Variants in ITFG2 observed in about 807,000 individuals in gnomAD.
ITFG2 encodes the protein integrin alpha FG-GAP repeat containing 2, also known as KICSTOR complex protein ITFG2.
Under a neutral mutation model 54.4 loss-of-function variants are expected in ITFG2, and 36 were observed. That is an observed-to-expected ratio of 0.66 (90% CI 0.51 to 0.87). The LOEUF (loss-of-function observed/expected upper bound fraction) is 0.87. ITFG2 is among the 40% of genes least tolerant of loss of function. The pLI, the probability that ITFG2 is intolerant of heterozygous loss-of-function variation, is 0.00. For synonymous variants in ITFG2, 211 were observed against 225.4 expected (o/e 0.94, Z 0.57); for missense variants, 524 against 576.7 (o/e 0.91, Z 0.94).
At chr12:2,848,430 A>G (rs892369364) in intron 2 of ITFG2, among the ~76,000 whole-genome samples, 5 of 152,182 alleles carry the variant, frequency 3.3e-5, no homozygotes, top group Admixed American at 6.5e-5. Flanking sequence ...TCCCTGATAG[A>G]AAAAGCTGAG....
chr12:2,817,335 C>T lies in ITFG2; in HGVS notation c.192+17C>T, dbSNP rs2097924624. On this transcript the variant is annotated intron_variant, in intron 2 of 11. Transcript: ENST00000228799. ...CAGGGAATGGTCAGTATTCACTTCC[C>T]TGGGCCTGGAGGGGGGAAGGGATCC... 1.3e-6 allele frequency: 2 copies of T among 1,586,890 alleles called. No individual in the cohort carries two copies. Among genetic ancestry groups the T allele is most frequent in the South Asian group, 2.2e-5 (2 of 89,908 alleles).
In ITFG2 at chr12:2,817,897, T is replaced by C. The variant is rs1565409894; in HGVS notation, c.193-12T>C. ...CTTAGCGTCTCCCTGAGCCTCCCTTTCTCTCTTACAGCTGACTTGCGTTGG... is the reference window on the plus strand; with the variant it reads ...CTTAGCGTCTCCCTGAGCCTCCCTTCCTCTCTTACAGCTGACTTGCGTTGG... On this transcript the variant is annotated splice_polypyrimidine_tract_variant and intron_variant, in intron 2 of 11. Coordinates refer to ENST00000228799, the MANE Select transcript of ITFG2 (RefSeq NM_018463.4). The C allele has an allele frequency of 1.2e-6, 2 of 1,613,314 alleles. No homozygotes were observed. Among genetic ancestry groups the C allele is most frequent in the Admixed American group, 1.7e-5 (1 of 59,810 alleles).
intron 9 of ITFG2, 123 bp downstream of exon 9, chr12:2,821,915 C>A: frequency 1.2e-5 from 8 of 653,892 alleles, no homozygotes; most frequent in Non-Finnish European, 1.8e-5. Context: ...TAGTCTCTGT[C>A]TCTTTTTTTT....
chr12:2,853,711 C>G (rs1184540260), intron 2 of ITFG2, among the ~76,000 whole-genome samples: 1 of 152,120 alleles, frequency 6.6e-6, no homozygotes, highest in African/African-American at 2.4e-5. Context: ...TTTTCATTGC[C>G]TTCCCCCTTT....
At chr12:2,828,254 C>T, downstream of ITFG2, 1 of 1,311,342 alleles carries the variant, frequency 7.6e-7, no homozygotes, top group Non-Finnish European at 1.1e-6. Flanking sequence ...ACTGTCGTCA[C>T]TATCTAATTT....
chr12:2,842,647 G>A (rs529424933), intron 2 of ITFG2, among the ~76,000 whole-genome samples: 81 of 152,184 alleles, frequency 5.3e-4, no homozygotes, highest in Non-Finnish European at 1.0e-3. Flanking sequence ...CAGGAGAATT[G>A]CTTGAGCGCA....
In ITFG2 at chr12:2,845,137, G is replaced by C. The variant is rs2098050498; in HGVS notation, n.300+4142G>C. 6.6e-6 allele frequency among the ~76,000 whole-genome samples: 1 copy of C among 151,560 alleles called. No individual in the cohort carries two copies. The highest frequency in any genetic ancestry group is 2.4e-5 in the African/African-American group (1 of 41,194). On this transcript the variant is annotated intron_variant and non_coding_transcript_variant, in intron 2 of 3. Coordinates refer to the ITFG2 transcript ENST00000537710. The surrounding 1 kb of genome is among the most constrained non-coding windows in gnomAD (Gnocchi z 4.2). ...GCGGCTCGGTGGCAGCACAACTAAG[G>C]ACAGGGCTCAGTGATGGAAAAGAGG...
chr12:2,821,649 G>T (rs761394088), intron 8 of ITFG2, 43 bp from the exon 9 acceptor site: 1 of 1,613,428 alleles, frequency 6.2e-7, no homozygotes. Context: ...GGGTCTGCTC[G>T]GGGCCTATCC....
rs1317929961 is a variant in ITFG2, at chr12:2,821,558, G to A, written c.809G>A (p.Ser270Asn). 8 of 1,614,226 alleles carry A rather than the reference G, an allele frequency of 5.0e-6. No homozygotes were observed. Among genetic ancestry groups the A allele is most frequent in the South Asian group, 2.2e-5 (2 of 91,080 alleles). The change falls in exon 8 of 12, where the codon AGT becomes AAT. Residue 270 changes from serine (S) to asparagine (N), a missense_variant. Ser to Asn is a conservative substitution (Grantham distance 46). Coordinates refer to ENST00000228799, the MANE Select transcript of ITFG2 (RefSeq NM_018463.4). ...GNIKQGHGTE[S>N]SGSGLFALCT... is the part of the protein sequence containing the mutation. ...GTCCTCACAGGCCACGGCACTGAGAGTAGTGGCTCTGGCCTCTTTGCCCTG... is the reference window on the plus strand; with the variant it reads ...GTCCTCACAGGCCACGGCACTGAGAATAGTGGCTCTGGCCTCTTTGCCCTG...
intron 1 of ITFG2, among the ~76,000 whole-genome samples, chr12:2,813,256 G>A (rs763763391): frequency 1.1e-4 from 16 of 152,194 alleles, no homozygotes; most frequent in Non-Finnish European, 1.9e-4. Context: ...CAAAGTGCTG[G>A]GACTACAGGC....
intron 2 of ITFG2, among the ~76,000 whole-genome samples, chr12:2,842,437 T>A (rs985986940): frequency 4.0e-4 from 60 of 151,104 alleles, no homozygotes; most frequent in South Asian, 2.1e-3. Context: ...CCTTTTTTTT[T>A]AAAAAAAGTA....
At chr12:2,832,790 C>G (rs540115072), upstream of ITFG2, among the ~76,000 whole-genome samples, 3 of 149,892 alleles carry the variant, frequency 2.0e-5, no homozygotes, top group Admixed American at 6.7e-5. Flanking sequence ...TGACTCTTCC[C>G]CCAGGCTCTA....
intron 2 of ITFG2, among the ~76,000 whole-genome samples, chr12:2,844,874 A>G (rs2098049885): frequency 1.3e-5 from 2 of 152,196 alleles, no homozygotes; most frequent in Non-Finnish European, 2.9e-5. Flanking sequence ...AGTGTGGTCT[A>G]AGGGAAGCCA....
At chr12:2,821,962 C>A (rs113565472) in intron 9 of ITFG2, among the ~76,000 whole-genome samples, 170 bp downstream of exon 9, 93 of 151,276 alleles carry the variant, frequency 6.1e-4, no homozygotes, top group African/African-American at 1.9e-3. Context: ...GGGTCTCCCC[C>A]CTACCACCTA....
chr12:2,842,068 AATAAT>A (rs1178710978), intron 2 of ITFG2, among the ~76,000 whole-genome samples: 39 of 150,520 alleles, frequency 2.6e-4, no homozygotes, highest in Non-Finnish European at 3.2e-4. Context: ...ACATAAAAAC[AATAAT>A]ATAATAATAA....
Position 2,821,555 on chromosome 12 carries a change from A to C in ITFG2, c.806A>C (p.Glu269Ala). The C allele has an allele frequency of 6.2e-7, 1 of 1,614,096 alleles. No homozygotes were observed. Among genetic ancestry groups the C allele is most frequent in the African/African-American group, 1.3e-5 (1 of 75,000 alleles). The change falls in exon 8 of 12, where the codon GAG (glutamate) becomes GCG (alanine). Residue 269 changes from glutamate to alanine, a missense_variant. By Grantham distance (107) the Glu-to-Ala change is moderately radical. Transcript: ENST00000228799. Reference protein sequence around the residue: ...IGNIKQGHGTESSGSGLFALC... With the variant: ...IGNIKQGHGTASSGSGLFALC... ...CTGGTCCTCACAGGCCACGGCACTG[A>C]GAGTAGTGGCTCTGGCCTCTTTGCC...
chr12:2,855,058 A>G (rs1032595360), intron 2 of ITFG2: 1 of 1,535,926 alleles, frequency 6.5e-7, no homozygotes, highest in South Asian at 1.2e-5. Context: ...ATAACAGTGG[A>G]TGAAGGTCAG....
chr12:2,828,006 G>C, downstream of ITFG2: 1 of 1,614,194 alleles, frequency 6.2e-7, no homozygotes, highest in African/African-American at 1.3e-5. Flanking sequence ...GGGCCCAGGG[G>C]CCAGGTCCCC....
chr12:2,824,010 G>T (rs780531403), intron 11 of ITFG2, 67 bp downstream of exon 11: 3 of 1,612,908 alleles, frequency 1.9e-6, no homozygotes, highest in Non-Finnish European at 1.7e-6. Context: ...GGAGCTGGGC[G>T]TGGGTGAGTC....
Sources: allele counts gnomAD v4.1 joint callset (sites outside exome capture counted in the v4.1 genomes callset), GRCh38; gene constraint gnomAD v4.1.1; non-coding constraint Gnocchi (gnomAD v3.1); transcripts MANE v1.5; gene names NCBI Gene and HGNC (gene_info 2026-07-23, HGNC 2026-07-21).